Variants in RELN observed in about 807,000 individuals in gnomAD.
RELN encodes the protein reelin.
In RELN, 108 loss-of-function variants were observed where a neutral mutation model predicts 427.6. That is an observed-to-expected ratio of 0.25 (90% CI 0.22 to 0.30). RELN has a LOEUF of 0.30. Ranked by LOEUF, RELN falls within the 10% of genes least tolerant of loss-of-function variation. The probability of loss-of-function intolerance (pLI) is 1.00; values close to 1 mark genes in which losing one functional copy is unlikely to be tolerated. For synonymous variants in RELN, 1,524 were observed against 1,513.4 expected (o/e 1.01, Z -0.16); for missense variants, 3,715 against 4,302.8 (o/e 0.86, Z 3.82).
intron 3 of RELN, among the ~76,000 whole-genome samples, chr7:103,805,469 T>C (rs1227880606): frequency 1.4e-5 from 2 of 145,290 alleles, no homozygotes; most frequent in African/African-American, 2.5e-5. Flanking sequence ...GTCATTAAAA[T>C]TTGAACTCTG....
chr7:103,630,860 G>GTTTTTT (rs1224190919), intron 19 of RELN, among the ~76,000 whole-genome samples: 18 of 134,480 alleles, frequency 1.3e-4, no homozygotes, highest in African/African-American at 2.3e-4. Context: ...TGTTTTTTTT[G>GTTTTTT]TTTTTTTTTT....
chr7:103,706,839 T>G (rs958104847), intron 8 of RELN, among the ~76,000 whole-genome samples: 3 of 152,146 alleles, frequency 2.0e-5, no homozygotes, highest in Non-Finnish European at 4.4e-5. Context: ...GGTTTTACTA[T>G]GGGAGAAGAT....
chr7:103,703,750 CA>C (rs1834141683), intron 8 of RELN, among the ~76,000 whole-genome samples: 1 of 152,122 alleles, frequency 6.6e-6, no homozygotes, highest in African/African-American at 2.4e-5. Context: ...TCTGAGGCAG[CA>C]ATTTTTTAAG....
At chr7:103,668,294 A>G (rs1833316980) in intron 11 of RELN, among the ~76,000 whole-genome samples, 1 of 152,226 alleles carries the variant, frequency 6.6e-6, no homozygotes, top group South Asian at 2.1e-4. Flanking sequence ...ATAATTTATG[A>G]GAGAAGCTTG....
At chr7:103,794,326 T>G (rs1176531752) in intron 3 of RELN, among the ~76,000 whole-genome samples, 1 of 152,102 alleles carries the variant, frequency 6.6e-6, no homozygotes, top group African/African-American at 2.4e-5. Flanking sequence ...CCCCTATGAG[T>G]AGGACAGATT....
intron 63 of RELN, among the ~76,000 whole-genome samples, chr7:103,479,120 T>C (rs529580750): frequency 6.6e-6 from 1 of 152,310 alleles, no homozygotes; most frequent in South Asian, 2.1e-4. Context: ...ATTATACACA[T>C]GACAGGTGTG....
At chr7:103,885,980 T>C (rs1794719080) in intron 2 of RELN, among the ~76,000 whole-genome samples, 1 of 152,134 alleles carries the variant, frequency 6.6e-6, no homozygotes, top group Non-Finnish European at 1.5e-5. Flanking sequence ...TTAATCACCA[T>C]TTTTCTCTTC....
intron 46 of RELN, among the ~76,000 whole-genome samples, chr7:103,529,985 G>C (rs1039526191): frequency 2.6e-5 from 4 of 151,986 alleles, no homozygotes; most frequent in African/African-American, 9.7e-5. Flanking sequence ...CAGTCCCCTT[G>C]CTGGCCATTT....
intron 18 of RELN, 45 bp downstream of exon 18, chr7:103,636,190 A>G (rs1424212063): frequency 8.1e-7 from 1 of 1,238,796 alleles, no homozygotes. Flanking sequence ...TAAATTCAAC[A>G]TTAGTATCTG....
chr7:103,983,916 T>C (rs779251354), intron 1 of RELN, among the ~76,000 whole-genome samples: 5 of 151,806 alleles, frequency 3.3e-5, no homozygotes, highest in African/African-American at 4.8e-5. Flanking sequence ...AAAATGTAAA[T>C]GTTCAAAAAG....
At chr7:103,972,147 A>C (rs1796776645) in intron 1 of RELN, among the ~76,000 whole-genome samples, 1 of 152,234 alleles carries the variant, frequency 6.6e-6, no homozygotes, top group Non-Finnish European at 1.5e-5. Context: ...TAAAACTTGA[A>C]TATTAGAGGG....
intron 2 of RELN, among the ~76,000 whole-genome samples, chr7:103,859,747 T>A (rs12705162): frequency 0.15 from 22,529 of 152,178 alleles, 2,057 homozygotes; most frequent in East Asian, 0.41. Flanking sequence ...TCTTCACAAA[T>A]TATAGAGTTC....
rs1242801984 is a variant in RELN, at chr7:103,511,008, TAAAAC to T, written c.8120-8_8120-4del. 2 of 1,612,746 alleles carry T rather than the reference TAAAAC, an allele frequency of 1.2e-6. No individual in the cohort carries two copies. The highest frequency in any genetic ancestry group is 2.2e-5 in the East Asian group (1 of 44,844). On this transcript the variant is annotated splice_region_variant and splice_polypyrimidine_tract_variant and intron_variant, in intron 50 of 64. Transcript: ENST00000428762. ...ATGGAATAGCCAGTGCTCATTCACT[TAAAAC>T]AAAAAAACAAAATTTTATGACAAAT...
intron 52 of RELN, among the ~76,000 whole-genome samples, chr7:103,502,139 T>C (rs1343299817): frequency 6.6e-6 from 1 of 152,226 alleles, no homozygotes; most frequent in Non-Finnish European, 1.5e-5. Flanking sequence ...ATTATAGATA[T>C]AACAAATTTC....
intron 60 of RELN, among the ~76,000 whole-genome samples, chr7:103,486,896 C>G (rs758444832): frequency 1.1e-4 from 17 of 152,106 alleles, no homozygotes; most frequent in Non-Finnish European, 2.2e-4. Flanking sequence ...CCTGGCAATC[C>G]CATTACTCGG....
In RELN at chr7:103,561,659, G is replaced by T; in HGVS notation, c.5402C>A (p.Pro1801His). 6.2e-7 allele frequency: 1 copy of T among 1,613,950 alleles called. No individual in the cohort carries two copies. The highest frequency in any genetic ancestry group is 1.3e-5 in the African/African-American group (1 of 74,980). Residue 1801 changes from proline (P) to histidine (H), a missense_variant, in exon 36 of 65, where the codon CCC (proline) becomes CAC (histidine). Pro to His is a moderately conservative substitution (Grantham distance 77). Transcript: ENST00000428762. Reference protein sequence around the residue: ...GPYCVPVVPLPSILKDDFNGN... With the variant: ...GPYCVPVVPLHSILKDDFNGN... ...ATTGAAATCGTCTTTAAGAATCGAG[G>T]GCAGAGGAACAACAGGAACACAATA...
At chr7:103,841,553 A>T (rs1793552261) in intron 2 of RELN, among the ~76,000 whole-genome samples, 1 of 152,120 alleles carries the variant, frequency 6.6e-6, no homozygotes, top group Admixed American at 6.6e-5. Context: ...TCCTTCCAGG[A>T]TGTCATTTTC....
intron 1 of RELN, among the ~76,000 whole-genome samples, chr7:103,951,426 T>C (rs909803651): frequency 6.6e-6 from 1 of 152,200 alleles, no homozygotes; most frequent in Non-Finnish European, 1.5e-5. Flanking sequence ...ATGACTACTT[T>C]GGATATTGCA....
intron 40 of RELN, among the ~76,000 whole-genome samples, chr7:103,551,945 G>GCA (rs1830421880): frequency 3.1e-5 from 4 of 129,894 alleles, no homozygotes; most frequent in African/African-American, 8.7e-5. Flanking sequence ...GTGGGTGTGT[G>GCA]TGTGTGTGTG....
Sources: allele counts gnomAD v4.1 joint callset (sites outside exome capture counted in the v4.1 genomes callset), GRCh38; gene constraint gnomAD v4.1.1; transcripts MANE v1.5; gene names NCBI Gene and HGNC (gene_info 2026-07-23, HGNC 2026-07-21).